CTIF: variants seen among roughly 807,000 people sequenced by gnomAD.
CTIF encodes CBP80/20-dependent translation initiation factor.
Under a neutral mutation model 66.0 loss-of-function variants are expected in CTIF, and 21 were observed. The ratio of observed to expected loss-of-function variants is 0.32; its 90% CI spans 0.23 to 0.46. CTIF has a LOEUF of 0.46. CTIF is among the 20% of genes least tolerant of loss of function. The pLI is 1.00. For missense variants in CTIF, 739 were observed against 812.7 expected (o/e 0.91, Z 1.10); for synonymous variants, 345 against 326.4 (o/e 1.06, Z -0.62).
chr18:48,642,101 G>A (rs570443314), intron 3 of CTIF, among the ~76,000 whole-genome samples: 2 of 152,352 alleles, frequency 1.3e-5, no homozygotes, highest in South Asian at 4.1e-4. Flanking sequence ...AGAAATACCA[G>A]GTATATGTTC....
At chr18:48,616,491 A>G (rs869218) in intron 1 of CTIF, among the ~76,000 whole-genome samples, 49,156 of 152,046 alleles carry the variant, frequency 0.32, 10,153 homozygotes, top group African/African-American at 0.59. Flanking sequence ...AGGAGTGGGG[A>G]TGGAGAGAAG....
chr18:48,693,853 C>G (rs925517120), intron 6 of CTIF, among the ~76,000 whole-genome samples: 1 of 152,186 alleles, frequency 6.6e-6, no homozygotes, highest in Non-Finnish European at 1.5e-5. Context: ...TGACAAAGAC[C>G]TTATGGCCTG....
chr18:48,739,729 T>C (rs1045313980), intron 7 of CTIF, among the ~76,000 whole-genome samples: 2 of 152,196 alleles, frequency 1.3e-5, no homozygotes, highest in Non-Finnish European at 2.9e-5. Flanking sequence ...GAGAGGCCTG[T>C]GGGGCACAGC....
At chr18:48,825,167 A>C (rs187940000) in intron 10 of CTIF, among the ~76,000 whole-genome samples, 2 of 152,160 alleles carry the variant, frequency 1.3e-5, no homozygotes, top group African/African-American at 4.8e-5. Flanking sequence ...GGAATCTCCC[A>C]TCTCTCTGTA....
chr18:48,619,033 T>C (rs1430260696), intron 1 of CTIF, among the ~76,000 whole-genome samples: 4 of 152,204 alleles, frequency 2.6e-5, no homozygotes, highest in African/African-American at 9.6e-5. Context: ...GGGGACAGTC[T>C]GGTGACTGAA....
At chr18:48,841,920 G>A (rs138981968) in intron 10 of CTIF, among the ~76,000 whole-genome samples, 1,529 of 152,252 alleles carry the variant, frequency 0.01, 11 homozygotes, top group Admixed American at 0.012. Flanking sequence ...ACTCCTCAGC[G>A]CTCACACACA....
At chr18:48,688,407 G>A (rs1274752035) in intron 6 of CTIF, 1 of 152,326 alleles carries the variant, frequency 6.6e-6, no homozygotes, top group Non-Finnish European at 1.5e-5. Flanking sequence ...CAGGTATAGG[G>A]GTGCCAAGGA....
In CTIF at chr18:48,643,866, A is replaced by G. The variant is rs1398175414; in HGVS notation, c.252+7181A>G. Among the ~76,000 whole-genome samples, 4 of 152,192 alleles carry G rather than the reference A, an allele frequency of 2.6e-5. No individual in the cohort carries two copies. In the East Asian group the frequency reaches 7.7e-4, roughly 29 times the overall value. ...TGGGCTCTCAGATGGCAGGAAGCTC[A>G]GAGGTCACCTGATCCAAGTCCCCAC... On this transcript the variant is annotated intron_variant, in intron 3 of 11. Coordinates refer to ENST00000256413, the MANE Select transcript of CTIF (RefSeq NM_014772.3).
chr18:48,575,962 G>C (rs772115808), intron 1 of CTIF, among the ~76,000 whole-genome samples: 4 of 152,252 alleles, frequency 2.6e-5, no homozygotes, highest in Non-Finnish European at 4.4e-5. Context: ...ACAAACATTT[G>C]TGGAGACCCA....
chr18:48,654,451 A>G (rs1372005806), intron 3 of CTIF, among the ~76,000 whole-genome samples: 3 of 152,216 alleles, frequency 2.0e-5, no homozygotes, highest in Non-Finnish European at 2.9e-5. Flanking sequence ...TTAGAATGAC[A>G]ATCATTAAAA....
intron 7 of CTIF, among the ~76,000 whole-genome samples, chr18:48,729,650 A>G (rs1321666016): frequency 6.6e-6 from 1 of 152,150 alleles, no homozygotes; most frequent in Non-Finnish European, 1.5e-5. Flanking sequence ...TCTTTTCCAC[A>G]GGGTTCTGGA....
At chr18:48,840,871 AC>A (rs2068924098) in intron 10 of CTIF, among the ~76,000 whole-genome samples, 1 of 60,256 alleles carries the variant, frequency 1.7e-5, no homozygotes. Flanking sequence ...CTCCACCCCC[AC>A]CCCCACCCCC....
intron 3 of CTIF, 119 bp from the exon 4 acceptor site, chr18:48,663,633 A>G (rs1235372330): frequency 2.3e-6 from 2 of 870,098 alleles, no homozygotes; most frequent in Non-Finnish European, 3.8e-6. Context: ...TGGGTGCACC[A>G]GCCACCATAC....
At chr18:48,721,757 CT>C (rs375905403) in intron 7 of CTIF, among the ~76,000 whole-genome samples, 4 of 147,898 alleles carry the variant, frequency 2.7e-5, no homozygotes, top group African/African-American at 7.4e-5. Flanking sequence ...GCATCCCCCC[CT>C]CTCTGTCCTG....
chr18:48,804,615 T>A (rs1282282856), intron 9 of CTIF, among the ~76,000 whole-genome samples: 2 of 152,224 alleles, frequency 1.3e-5, no homozygotes, highest in African/African-American at 4.8e-5. Context: ...ATTCAGCACC[T>A]ACTTTGCACC....
rs1481938082 is a variant in CTIF at position 48,863,183 on chromosome 18, GT to G, written c.*3627del. 2.5e-5 allele frequency: 3 copies of G among 118,416 alleles called. No homozygotes were observed. The highest frequency in any genetic ancestry group is 5.4e-5 in the Non-Finnish European group (3 of 55,698). 7.3% of individuals were successfully genotyped at this position (118,416 alleles called of 1,614,324 possible). ...CCAGCTGAACCCAAACTACAAGTGGGTTTAAAAAAATAAACACCACCACCAA... is the reference window on the plus strand; with the variant it reads ...CCAGCTGAACCCAAACTACAAGTGGGTTAAAAAAATAAACACCACCACCAA... On this transcript the variant is annotated 3_prime_UTR_variant, in exon 12 of 12. Transcript: ENST00000256413.
chr18:48,841,829 T>A (rs1366654180), intron 10 of CTIF, among the ~76,000 whole-genome samples: 1 of 151,656 alleles, frequency 6.6e-6, no homozygotes, highest in African/African-American at 2.4e-5. Flanking sequence ...GAGGGCAGGG[T>A]GGCTCTCAGG....
intron 6 of CTIF, among the ~76,000 whole-genome samples, chr18:48,704,356 A>G (rs1327882098): frequency 2.6e-5 from 4 of 152,216 alleles, no homozygotes; most frequent in Non-Finnish European, 5.9e-5. Flanking sequence ...TGAGCATTCA[A>G]CATATACAAA....
intron 2 of CTIF, among the ~76,000 whole-genome samples, chr18:48,635,223 A>G (rs2090791376): frequency 6.6e-6 from 1 of 152,122 alleles, no homozygotes; most frequent in Admixed American, 6.5e-5. Flanking sequence ...GAAAGCCAGG[A>G]CTGCACTGGC....
Sources: allele counts gnomAD v4.1 joint callset (sites outside exome capture counted in the v4.1 genomes callset), GRCh38; gene constraint gnomAD v4.1.1; transcripts MANE v1.5; gene names NCBI Gene and HGNC (gene_info 2026-07-23, HGNC 2026-07-21).